The following PTPN2 variants were observed in gnomAD, a reference collection of about 807,000 sequenced individuals.
PTPN2 encodes protein tyrosine phosphatase non-receptor type 2.
Under a neutral mutation model 57.3 loss-of-function variants are expected in PTPN2, and 19 were observed. That is an observed-to-expected ratio of 0.33 (90% CI 0.23 to 0.49). The LOEUF is 0.49. Among genes scored for constraint, PTPN2 ranks in the 20% least tolerant of loss-of-function variants. PTPN2 has a pLI of 0.99. For synonymous variants in PTPN2, 153 were observed against 164.9 expected, an observed-to-expected ratio of 0.93 and a Z score of 0.55; for missense variants, 358 against 501.1, an observed-to-expected ratio of 0.71 and a Z score of 2.73.
At position 12,845,293 on chromosome 18, in the gene PTPN2, T is replaced by C. The variant is rs557865123; in HGVS notation, c.161-8402A>G. ...CAATTTGGGGAGGACTGATTCACTATGCTAAGTCTTCCAATCCATGAACAT... is the reference window on the plus strand; with the variant it reads ...CAATTTGGGGAGGACTGATTCACTACGCTAAGTCTTCCAATCCATGAACAT... On this transcript the variant is annotated intron_variant, in intron 2 of 8. Transcript: ENST00000309660. Among the ~76,000 whole-genome samples the C allele has an allele frequency of 2.0e-5, 3 of 152,340 alleles. No individual in the cohort carries two copies. In the East Asian group the frequency reaches 5.8e-4, roughly 29 times the overall value.
At chr18:12,874,347 A>AG (rs1853333418) in intron 1 of PTPN2, among the ~76,000 whole-genome samples, 1 of 124,168 alleles carries the variant, frequency 8.1e-6, no homozygotes, top group Admixed American at 8.7e-5. Flanking sequence ...CTGGGAGGTG[A>AG]GGGGCGCCTC....
At position 12,801,517 on chromosome 18, in the gene PTPN2, T is replaced by TA. The variant is rs200117535; in HGVS notation, c.1040+452dup. ...AAAAAAAAAGGTTATATTAATTCAA[T>TA]AAAAAAAAGGGCCTATATTATTTCA... On this transcript the variant is annotated intron_variant, in intron 8 of 8. Transcript: ENST00000309660. Among the ~76,000 whole-genome samples the TA allele has an allele frequency of 1.6e-4, 24 of 151,750 alleles. No homozygotes were observed. In the East Asian group the frequency reaches 3.3e-3, roughly 21 times the overall value.
At chr18:12,825,166 CAT>C (rs1349757516) in intron 5 of PTPN2, among the ~76,000 whole-genome samples, 14 of 152,104 alleles carry the variant, frequency 9.2e-5, no homozygotes, top group East Asian at 1.9e-4. Context: ...CACATTTATA[CAT>C]GTGTGTGTAT....
At chr18:12,873,089 C>T (rs1205539661) in intron 1 of PTPN2, among the ~76,000 whole-genome samples, 4 of 152,040 alleles carry the variant, frequency 2.6e-5, no homozygotes, top group African/African-American at 4.8e-5. Flanking sequence ...GGTGTGGTGG[C>T]GCATGCCTGT....
At chr18:12,791,588 T>C (rs549747598), downstream of PTPN2, among the ~76,000 whole-genome samples, 42 of 152,296 alleles carry the variant, frequency 2.8e-4, no homozygotes, top group African/African-American at 8.9e-4. Flanking sequence ...CACGATGTCA[T>C]GTGTTTTCAT....
chr18:12,792,036 G>T, downstream of PTPN2: 1 of 180,744 alleles, frequency 5.5e-6, no homozygotes, highest in Non-Finnish European at 1.1e-5. Flanking sequence ...AAATGTAAGG[G>T]TCTTGGATGC....
chr18:12,868,382 G>A (rs1000689135), intron 1 of PTPN2, among the ~76,000 whole-genome samples: 1 of 151,966 alleles, frequency 6.6e-6, no homozygotes, highest in South Asian at 2.1e-4. Context: ...AGCCTCCCAA[G>A]TGACTGGGAT....
At chr18:12,816,583 G>A (rs1271255454) in intron 6 of PTPN2, among the ~76,000 whole-genome samples, 1 of 152,136 alleles carries the variant, frequency 6.6e-6, no homozygotes, top group African/African-American at 2.4e-5. Context: ...GAGAAGAAAA[G>A]ATCTAGGCTG....
At chr18:12,859,875 T>G (rs2043730788) in intron 1 of PTPN2, among the ~76,000 whole-genome samples, 1 of 152,226 alleles carries the variant, frequency 6.6e-6, no homozygotes, top group East Asian at 1.9e-4. Context: ...GCAACAAGCC[T>G]GGCGCAGTGG....
At chr18:12,883,120 G>A (rs528849373) in intron 1 of PTPN2, among the ~76,000 whole-genome samples, 176 of 152,340 alleles carry the variant, frequency 1.2e-3, no homozygotes, top group Non-Finnish European at 1.7e-3. Context: ...CCGTGCCCCC[G>A]GGGAGGGGAT....
intron 1 of PTPN2, among the ~76,000 whole-genome samples, chr18:12,866,477 C>A (rs78319124): frequency 7.6e-6 from 1 of 131,108 alleles, no homozygotes; most frequent in South Asian, 2.6e-4. Flanking sequence ...CAAAACAAAA[C>A]AAAAAAACAG....
intron 1 of PTPN2, among the ~76,000 whole-genome samples, chr18:12,875,021 C>T (rs550391213): frequency 5.3e-5 from 8 of 152,096 alleles, no homozygotes; most frequent in Non-Finnish European, 7.4e-5. Flanking sequence ...CAACCCTGTG[C>T]TCTCTGAAAC....
chr18:12,862,601 T>C (rs1226085508), intron 1 of PTPN2: 2 of 151,880 alleles, frequency 1.3e-5, no homozygotes, highest in Non-Finnish European at 2.9e-5. Flanking sequence ...GGGTTGGGGC[T>C]GCAGGAAAAC....
At chr18:12,874,633 T>TGG (rs1431356775) in intron 1 of PTPN2, among the ~76,000 whole-genome samples, 1 of 93,674 alleles carries the variant, frequency 1.1e-5, no homozygotes, top group African/African-American at 4.6e-5. Context: ...GGGAGGGAGG[T>TGG]GGGGGGGTCA....
At chr18:12,830,100 A>AT (rs148424474) in intron 4 of PTPN2, among the ~76,000 whole-genome samples, 57,504 of 147,516 alleles carry the variant, frequency 0.39, 11,570 homozygotes, top group South Asian at 0.55. Flanking sequence ...ATAATCCTTG[A>AT]TTTTTTTTTT....
chr18:12,870,258 CATATATAT>C lies in PTPN2; in HGVS notation c.70-11012_70-11005del, dbSNP rs146860865. On this transcript the variant is annotated intron_variant, in intron 1 of 8. Transcript: ENST00000309660. ...ATAGGAATCCAGTACTTAACTTTAGCATATATATATATATGTATATATATACATATACA... is the reference window on the plus strand; with the variant it reads ...ATAGGAATCCAGTACTTAACTTTAGCATATATGTATATATATACATATACA... Among the ~76,000 whole-genome samples, 4 of 99,592 alleles carry C rather than the reference CATATATAT, an allele frequency of 4.0e-5. No individual in the cohort carries two copies. In the East Asian group the frequency reaches 1.0e-3, roughly 26 times the overall value. 65.3% of individuals were successfully genotyped at this position (99,592 alleles called of 152,430 possible). A position where few individuals can be genotyped will look rare whatever the true frequency, so the allele number is the denominator to read the frequency against.
rs112904360 is a variant in PTPN2 at position 12,851,961 on chromosome 18, G to A, written c.160+7203C>T. ...AACCAGTCGCAGAAAGACAAATACT[G>A]CATGATTACACATATATTTAGTGTC... is the stretch of plus-strand genomic sequence containing the variant. On this transcript the variant is annotated intron_variant, in intron 2 of 8. Coordinates refer to ENST00000309660, the MANE Select transcript of PTPN2 (RefSeq NM_002828.4). Among the ~76,000 whole-genome samples the A allele has an allele frequency of 5.5e-4, 84 of 152,116 alleles. 1 individual carries two copies. Among genetic ancestry groups the A allele is most frequent in the African/African-American group, 1.9e-3 (78 of 41,470 alleles).
chr18:12,874,427 CG>C (rs1320484039), intron 1 of PTPN2, among the ~76,000 whole-genome samples: 1 of 148,104 alleles, frequency 6.8e-6, no homozygotes, highest in Non-Finnish European at 1.5e-5. Context: ...AGCCCCCGCC[CG>C]GCCTGCCGCC....
chr18:12,812,955 T>C (rs995808780), intron 7 of PTPN2, among the ~76,000 whole-genome samples: 2 of 151,174 alleles, frequency 1.3e-5, no homozygotes, highest in Admixed American at 1.3e-4. Context: ...GAAAAACTCA[T>C]CTCTGTGATA....
Sources: gnomAD v4.1 joint callset for allele counts (sites outside exome capture counted in the v4.1 genomes callset) on GRCh38, gnomAD v4.1.1 for gene constraint, MANE v1.5 for transcripts, NCBI Gene and HGNC (gene_info 2026-07-23, HGNC 2026-07-21) for gene names.